PDE11A: variants seen among roughly 807,000 people sequenced by gnomAD.
PDE11A encodes the protein dual 3',5'-cyclic-AMP and -GMP phosphodiesterase 11A.
Under a neutral mutation model 100.5 loss-of-function variants are expected in PDE11A, and 100 were observed. That is an observed-to-expected ratio of 1.00 (90% CI 0.85 to 1.18). PDE11A has a LOEUF of 1.18. Among genes scored for constraint, PDE11A ranks in the 50% most tolerant of loss-of-function variants. The pLI is 0.00. For synonymous variants in PDE11A, 381 were observed against 420.8 expected, an observed-to-expected ratio of 0.91 and a Z score of 1.16; for missense variants, 1,141 against 1,152.6, an observed-to-expected ratio of 0.99 and a Z score of 0.15.
At position 177,623,778 on chromosome 2, in the gene PDE11A, C is replaced by T. The variant is rs2079795658; in HGVS notation, c.*5629G>A. 4 of 152,056 alleles carry T rather than the reference C, an allele frequency of 2.6e-5. No individual in the cohort carries two copies. In the South Asian group the frequency reaches 8.3e-4, roughly 31 times the overall value. The allele number at this position is 152,056 out of a possible 1,614,324, so 9.4% of individuals were successfully genotyped here. On this transcript the variant is annotated 3_prime_UTR_variant, in exon 20 of 20. Transcript: ENST00000286063. ...TGTGTACTAGCGTATACAAAAATGA[C>T]ATTGGTGTAGTTATGTTATACAGAT...
At chr2:177,737,513 A>C (rs2081807629) in intron 10 of PDE11A, among the ~76,000 whole-genome samples, 1 of 150,884 alleles carries the variant, frequency 6.6e-6, no homozygotes, top group African/African-American at 2.4e-5. Context: ...AGGCAGGAGA[A>C]TGGCATTAGC....
At position 177,825,216 on chromosome 2, in the gene PDE11A, G is replaced by A. The variant is rs528146341; in HGVS notation, c.1501-4921C>T. On this transcript the variant is annotated intron_variant, in intron 6 of 19. Transcript: ENST00000286063. ...TCCTGGAAGAGAGGAAGGCCATAAT[G>A]AGAAAGCAGAGCTGCAACTATTCAG... 2.6e-5 allele frequency among the ~76,000 whole-genome samples: 4 copies of A among 152,330 alleles called. No individual in the cohort carries two copies. The South Asian group carries it at 8.3e-4, about 32-fold the overall frequency.
At chr2:177,846,920 T>C (rs2083610669) in intron 5 of PDE11A, among the ~76,000 whole-genome samples, 1 of 152,182 alleles carries the variant, frequency 6.6e-6, no homozygotes, top group African/African-American at 2.4e-5. Flanking sequence ...CTCAGTTTAC[T>C]TTCTAATAGT....
chr2:177,710,889 G>T (rs2081349516), intron 13 of PDE11A, among the ~76,000 whole-genome samples: 1 of 152,208 alleles, frequency 6.6e-6, no homozygotes, highest in African/African-American at 2.4e-5. Context: ...TGTTCTAGAG[G>T]CTGTGAAATC....
At chr2:177,951,752 G>A (rs539397111) in intron 2 of PDE11A, among the ~76,000 whole-genome samples, 27 of 152,294 alleles carry the variant, frequency 1.8e-4, no homozygotes, top group African/African-American at 6.3e-4. Flanking sequence ...ATAATGGGCA[G>A]TAAGCTTACC....
At chr2:178,093,200 G>A (rs1383695361) in intron 2 of PDE11A, among the ~76,000 whole-genome samples, 1 of 152,106 alleles carries the variant, frequency 6.6e-6, no homozygotes, top group Non-Finnish European at 1.5e-5. Context: ...GGTCTTCTAT[G>A]GTAAACCAAT....
chr2:177,737,693 A>C (rs1158742352), intron 10 of PDE11A, among the ~76,000 whole-genome samples: 1 of 152,140 alleles, frequency 6.6e-6, no homozygotes, highest in African/African-American at 2.4e-5. Context: ...TCTACACCTG[A>C]ACTAGGTTGG....
At chr2:177,816,253 G>A (rs774304585) in intron 9 of PDE11A, among the ~76,000 whole-genome samples, 50 of 151,954 alleles carry the variant, frequency 3.3e-4, no homozygotes, top group Non-Finnish European at 5.1e-4. Flanking sequence ...AGAAAAAAAC[G>A]AGTCTTGAGT....
intron 9 of PDE11A, among the ~76,000 whole-genome samples, chr2:177,781,124 G>A (rs1269710233): frequency 6.6e-6 from 1 of 152,180 alleles, no homozygotes; most frequent in East Asian, 1.9e-4. Flanking sequence ...ACACTTAGAG[G>A]TCATTGTAGG....
At chr2:177,636,828 T>C (rs1213676472) in intron 19 of PDE11A, among the ~76,000 whole-genome samples, 1 of 152,192 alleles carries the variant, frequency 6.6e-6, no homozygotes, top group Non-Finnish European at 1.5e-5. Flanking sequence ...AGATGTCCTC[T>C]GGGGAGCAGC....
At chr2:178,049,221 T>C (rs1364464610) in intron 1 of PDE11A, among the ~76,000 whole-genome samples, 2 of 152,198 alleles carry the variant, frequency 1.3e-5, no homozygotes, top group African/African-American at 2.4e-5. Flanking sequence ...GTTGTGGTAG[T>C]AGAGTTGGAG....
chr2:177,800,679 C>T (rs566249683), intron 9 of PDE11A, among the ~76,000 whole-genome samples: 1 of 152,164 alleles, frequency 6.6e-6, no homozygotes, highest in Non-Finnish European at 1.5e-5. Context: ...GTGAACCAGA[C>T]CCATAGACAT....
intron 2 of PDE11A, among the ~76,000 whole-genome samples, chr2:178,006,678 C>T (rs963732008): frequency 1.3e-5 from 2 of 151,728 alleles, no homozygotes; most frequent in East Asian, 3.9e-4. Flanking sequence ...AATTATTGAA[C>T]AAAGTCATAA....
At chr2:177,732,591 A>G (rs2081709051) in intron 10 of PDE11A, among the ~76,000 whole-genome samples, 1 of 152,218 alleles carries the variant, frequency 6.6e-6, no homozygotes. Context: ...ACCATTATAA[A>G]TCCTCTACCT....
At chr2:178,063,311 T>C (rs2086996603) in intron 1 of PDE11A, among the ~76,000 whole-genome samples, 1 of 152,224 alleles carries the variant, frequency 6.6e-6, no homozygotes, top group Non-Finnish European at 1.5e-5. Flanking sequence ...TTCTTGTGTT[T>C]CAGGGATTAT....
chr2:177,708,566 A>T (rs2081314000), intron 13 of PDE11A, among the ~76,000 whole-genome samples: 1 of 151,948 alleles, frequency 6.6e-6, no homozygotes, highest in Non-Finnish European at 1.5e-5. Flanking sequence ...TATTTAACAA[A>T]CCCCCGTTAC....
chr2:177,709,652 G>A (rs889059366), intron 13 of PDE11A, among the ~76,000 whole-genome samples: 2 of 152,168 alleles, frequency 1.3e-5, no homozygotes, highest in Non-Finnish European at 2.9e-5. Context: ...GAGAGGAAGA[G>A]GGAGGGCATC....
At chr2:177,699,188 C>T (rs2081161139) in intron 14 of PDE11A, among the ~76,000 whole-genome samples, 1 of 152,198 alleles carries the variant, frequency 6.6e-6, no homozygotes, top group Admixed American at 6.5e-5. Context: ...CTACTGCATA[C>T]CTAGGCTATA....
intron 12 of PDE11A, among the ~76,000 whole-genome samples, chr2:177,726,358 G>A (rs1044514504): frequency 2.0e-5 from 3 of 152,118 alleles, no homozygotes; most frequent in Admixed American, 6.6e-5. Flanking sequence ...AACCCACCAA[G>A]TACATGACAG....
Sources: gnomAD v4.1 joint callset for allele counts (sites outside exome capture counted in the v4.1 genomes callset) on GRCh38, gnomAD v4.1.1 for gene constraint, MANE v1.5 for transcripts, NCBI Gene and HGNC (gene_info 2026-07-23, HGNC 2026-07-21) for gene names.